GPC5: variants seen among roughly 807,000 people sequenced by gnomAD.
GPC5 encodes the protein glypican-5.
In GPC5, 47 loss-of-function variants were observed where a neutral mutation model predicts 53.9. The observed-to-expected ratio is 0.87, with a 90% CI of 0.69 to 1.11. GPC5 has a LOEUF of 1.11. Among genes scored for constraint, GPC5 ranks in the 50% most tolerant of loss-of-function variants. GPC5 has a pLI of 0.00. For synonymous variants in GPC5, 286 were observed against 263.3 expected, an observed-to-expected ratio of 1.09 and a Z score of -0.84; for missense variants, 748 against 713.1, an observed-to-expected ratio of 1.05 and a Z score of -0.56.
intron 6 of GPC5, among the ~76,000 whole-genome samples, chr13:92,126,049 G>A (rs1207875451): frequency 7.3e-6 from 1 of 137,462 alleles, no homozygotes; most frequent in Non-Finnish European, 1.5e-5. Flanking sequence ...CCACCTCCTG[G>A]GTTGGAGTGA....
intron 2 of GPC5, among the ~76,000 whole-genome samples, chr13:91,593,390 G>A (rs942016594): frequency 6.6e-6 from 1 of 152,158 alleles, no homozygotes; most frequent in Non-Finnish European, 1.5e-5. Flanking sequence ...CAGCCATCTT[G>A]TCCTCCAGTC....
intron 7 of GPC5, among the ~76,000 whole-genome samples, chr13:92,635,789 C>T (rs888756934): frequency 2.0e-5 from 3 of 152,232 alleles, no homozygotes; most frequent in African/African-American, 7.2e-5. Context: ...CCAGGCTTAA[C>T]GCCTTCCTTC....
At chr13:91,512,120 T>C (rs1475990838) in intron 2 of GPC5, among the ~76,000 whole-genome samples, 1 of 152,196 alleles carries the variant, frequency 6.6e-6, no homozygotes, top group African/African-American at 2.4e-5. Context: ...CAGGATCTTT[T>C]CATTAGCAGA....
chr13:92,650,488 A>G (rs1258678823), intron 7 of GPC5, among the ~76,000 whole-genome samples: 2 of 152,164 alleles, frequency 1.3e-5, no homozygotes, highest in Non-Finnish European at 2.9e-5. Flanking sequence ...TAATATTTTA[A>G]TAATTGTGTT....
At chr13:92,011,546 C>A (rs888820890) in intron 6 of GPC5, among the ~76,000 whole-genome samples, 1 of 151,998 alleles carries the variant, frequency 6.6e-6, no homozygotes, top group African/African-American at 2.4e-5. Flanking sequence ...CCATCTTAGT[C>A]CCAGATCTGC....
intron 6 of GPC5, among the ~76,000 whole-genome samples, chr13:91,940,839 G>C (rs926065408): frequency 6.6e-5 from 10 of 151,894 alleles, no homozygotes; most frequent in Admixed American, 2.0e-4. Context: ...TTTTAATGGG[G>C]TTATTTGTTT....
intron 6 of GPC5, among the ~76,000 whole-genome samples, chr13:92,122,745 T>TC (rs1215928450): frequency 1.4e-5 from 2 of 140,298 alleles, no homozygotes; most frequent in Non-Finnish European, 3.1e-5. Flanking sequence ...TCAGTCTTTT[T>TC]TTTTTTTTTT....
chr13:92,498,900 AAATGACAAATCATCAGG>A (rs1485598944), intron 7 of GPC5, among the ~76,000 whole-genome samples: 1 of 152,134 alleles, frequency 6.6e-6, no homozygotes, highest in Non-Finnish European at 1.5e-5. Context: ...GAAATAAAGC[AAATGACAAATCATCAGG>A]TTTCCCCAAT....
chr13:92,310,030 G>C (rs2043135626), intron 7 of GPC5, among the ~76,000 whole-genome samples: 1 of 151,948 alleles, frequency 6.6e-6, no homozygotes. Flanking sequence ...GGTTTATTTT[G>C]CTTACCATGA....
intron 2 of GPC5, among the ~76,000 whole-genome samples, chr13:91,596,211 T>C (rs2032989418): frequency 6.6e-6 from 1 of 152,196 alleles, no homozygotes; most frequent in African/African-American, 2.4e-5. Flanking sequence ...ATATATATTT[T>C]TTCATTCTTA....
In GPC5 at chr13:92,773,398, A is replaced by G. The variant is rs139412671; in HGVS notation, c.1562-92884A>G. Among the ~76,000 whole-genome samples, 296 of 152,184 alleles carry G rather than the reference A, an allele frequency of 1.9e-3. 1 individual carries two copies. The highest frequency in any genetic ancestry group is 6.8e-3 in the African/African-American group (284 of 41,512). ...TGCAAATTTCTGCTGGCTGAACATG[A>G]CTGAAATCTATTTCCTAAACTGGAG... is the stretch of plus-strand genomic sequence containing the variant. On this transcript the variant is annotated intron_variant, in intron 7 of 7. Transcript: ENST00000377067.
chr13:92,411,162 C>T (rs944164737), intron 7 of GPC5, among the ~76,000 whole-genome samples: 1 of 152,014 alleles, frequency 6.6e-6, no homozygotes, highest in Admixed American at 6.6e-5. Flanking sequence ...CTCAGCTACT[C>T]GGGAGGCTGA....
At chr13:92,524,232 T>C (rs186502056) in intron 7 of GPC5, among the ~76,000 whole-genome samples, 18 of 152,236 alleles carry the variant, frequency 1.2e-4, no homozygotes, top group Admixed American at 9.8e-4. Context: ...CCTAAGTTTA[T>C]GGAATATTCT....
intron 7 of GPC5, among the ~76,000 whole-genome samples, chr13:92,401,988 T>C (rs947714588): frequency 6.6e-6 from 1 of 152,212 alleles, no homozygotes; most frequent in African/African-American, 2.4e-5. Flanking sequence ...AAAGAAAAAG[T>C]TTTTAATAGT....
chr13:91,554,041 C>T (rs1448823064), intron 2 of GPC5, among the ~76,000 whole-genome samples: 5 of 151,926 alleles, frequency 3.3e-5, no homozygotes, highest in Non-Finnish European at 5.9e-5. Context: ...TTAATACAAT[C>T]CATTTCCCTT....
chr13:91,615,603 T>A (rs962798753), intron 2 of GPC5, among the ~76,000 whole-genome samples: 1 of 152,136 alleles, frequency 6.6e-6, no homozygotes, highest in Admixed American at 6.5e-5. Context: ...ACAGTTACCA[T>A]ACGTTTGGAG....
intron 7 of GPC5, among the ~76,000 whole-genome samples, chr13:92,681,793 C>T (rs1887118361): frequency 6.6e-6 from 1 of 152,134 alleles, no homozygotes; most frequent in Non-Finnish European, 1.5e-5. Flanking sequence ...AATGTTCCTG[C>T]CATCTGGAAT....
intron 2 of GPC5, among the ~76,000 whole-genome samples, chr13:91,659,899 C>A (rs189383388): frequency 2.0e-4 from 30 of 152,232 alleles, no homozygotes; most frequent in Admixed American, 1.9e-3. Context: ...TAAATCAGAA[C>A]AAACAAAGCC....
At chr13:91,758,472 C>T (rs989882142) in intron 5 of GPC5, among the ~76,000 whole-genome samples, 1 of 151,850 alleles carries the variant, frequency 6.6e-6, no homozygotes, top group Non-Finnish European at 1.5e-5. Flanking sequence ...TGAATTTATC[C>T]CATTCCTCTC....
Sources: gnomAD v4.1 joint callset for allele counts (sites outside exome capture counted in the v4.1 genomes callset) on GRCh38, gnomAD v4.1.1 for gene constraint, MANE v1.5 for transcripts, NCBI Gene and HGNC (gene_info 2026-07-23, HGNC 2026-07-21) for gene names.